The following CSMD1 variants were observed in gnomAD, a reference collection of about 807,000 sequenced individuals.
CSMD1 encodes the protein CUB and Sushi multiple domains 1.
Under a neutral mutation model 417.5 loss-of-function variants are expected in CSMD1, and 213 were observed. The observed-to-expected ratio is 0.51, with a 90% CI of 0.46 to 0.57. The LOEUF (loss-of-function observed/expected upper bound fraction) is 0.57. Among genes scored for constraint, CSMD1 ranks in the 20% least tolerant of loss-of-function variants. The probability of loss-of-function intolerance (pLI) is 0.00; values close to 1 mark genes in which losing one functional copy is unlikely to be tolerated. For synonymous variants in CSMD1, 2,862 were observed against 1,736.8 expected (o/e 1.65, Z -16.11); for missense variants, 6,923 against 4,529.7 (o/e 1.53, Z -15.17).
intron 2 of CSMD1, among the ~76,000 whole-genome samples, chr8:4,626,699 G>T (rs1456744703): frequency 6.6e-6 from 1 of 152,026 alleles, no homozygotes; most frequent in South Asian, 2.1e-4. Flanking sequence ...TTGCAAAGAC[G>T]TCTCCCCATC....
chr8:3,396,484 C>T (rs898455574), intron 16 of CSMD1, 103 bp from the exon 17 acceptor site: 43 of 753,812 alleles, frequency 5.7e-5, no homozygotes, highest in South Asian at 1.0e-4. Flanking sequence ...TGTACGTTAA[C>T]ATGAAGAAAA....
At chr8:3,922,407 G>A (rs1005307771) in intron 5 of CSMD1, among the ~76,000 whole-genome samples, 3 of 151,770 alleles carry the variant, frequency 2.0e-5, no homozygotes, top group African/African-American at 4.8e-5. Flanking sequence ...ACTTACTACT[G>A]CCATGTTATT....
intron 5 of CSMD1, among the ~76,000 whole-genome samples, chr8:3,849,791 T>C (rs934653794): frequency 2.6e-5 from 4 of 151,470 alleles, no homozygotes; most frequent in Admixed American, 6.6e-5. Context: ...AAAGATGATA[T>C]TGTGAGACAG....
intron 3 of CSMD1, among the ~76,000 whole-genome samples, chr8:4,251,775 G>C (rs1803096607): frequency 6.6e-6 from 1 of 151,884 alleles, no homozygotes; most frequent in Non-Finnish European, 1.5e-5. Flanking sequence ...AGTGATGCAG[G>C]GATGGAGAGA....
intron 3 of CSMD1, among the ~76,000 whole-genome samples, chr8:4,195,577 T>A (rs959838532): frequency 2.0e-5 from 3 of 152,064 alleles, no homozygotes; most frequent in African/African-American, 7.2e-5. Context: ...ATGGTAGAGG[T>A]GAGCGTTGTC....
chr8:3,082,297 G>A (rs997503807), intron 49 of CSMD1, among the ~76,000 whole-genome samples: 56 of 152,048 alleles, frequency 3.7e-4, no homozygotes, highest in Non-Finnish European at 1.3e-4. Flanking sequence ...GCTCTTTAAC[G>A]GAGTCTCGTC....
intron 6 of CSMD1, among the ~76,000 whole-genome samples, chr8:3,738,277 G>A (rs535106414): frequency 1.3e-5 from 2 of 152,176 alleles, no homozygotes; most frequent in African/African-American, 4.8e-5. Flanking sequence ...CGATCACAGT[G>A]GAAGGAAGAG....
In CSMD1 at chr8:3,928,167, A is replaced by C. The variant is rs539860642; in HGVS notation, c.818+69736T>G. Among the ~76,000 whole-genome samples, 3 of 152,336 alleles carry C rather than the reference A, an allele frequency of 2.0e-5. No individual in the cohort carries two copies. In the South Asian group the frequency reaches 6.2e-4, roughly 32 times the overall value. On this transcript the variant is annotated intron_variant, in intron 5 of 69. Transcript: ENST00000635120. ...CTGTTGGACATTTACATTTCAATGA[A>C]GCAGCTCAGAAAAGAACATGAGAAT...
intron 8 of CSMD1, among the ~76,000 whole-genome samples, chr8:3,599,302 C>T (rs1280080186): frequency 6.7e-6 from 1 of 149,778 alleles, no homozygotes; most frequent in East Asian, 2.0e-4. Context: ...TGTGTGGGTG[C>T]TGAGAACACC....
chr8:4,987,197 T>C (rs1240088431), intron 1 of CSMD1, among the ~76,000 whole-genome samples: 8 of 152,136 alleles, frequency 5.3e-5, no homozygotes, highest in African/African-American at 1.2e-4. Flanking sequence ...CCATCCAAAA[T>C]CCACTTATTC....
At chr8:3,422,267 G>A (rs374051307) in intron 12 of CSMD1, among the ~76,000 whole-genome samples, 2 of 152,202 alleles carry the variant, frequency 1.3e-5, no homozygotes, top group East Asian at 1.9e-4. Context: ...ATTCTTGATG[G>A]CATACAATTC....
intron 5 of CSMD1, among the ~76,000 whole-genome samples, chr8:3,813,868 A>G (rs1015631216): frequency 2.0e-5 from 3 of 152,170 alleles, no homozygotes; most frequent in African/African-American, 7.2e-5. Flanking sequence ...GACAAGAGAA[A>G]AAGAAGAGAA....
chr8:4,442,603 AG>A (rs1798548148), intron 2 of CSMD1, among the ~76,000 whole-genome samples: 1 of 152,216 alleles, frequency 6.6e-6, no homozygotes, highest in African/African-American at 2.4e-5. Flanking sequence ...CAAATTGGCT[AG>A]AAAAACAGAA....
At chr8:4,434,945 C>A (rs773361609) in intron 2 of CSMD1, among the ~76,000 whole-genome samples, 1 of 152,108 alleles carries the variant, frequency 6.6e-6, no homozygotes, top group African/African-American at 2.4e-5. Context: ...GATGTTAAAA[C>A]CAATTATTTC....
At chr8:4,710,799 C>G (rs983744595) in intron 1 of CSMD1, among the ~76,000 whole-genome samples, 1 of 151,512 alleles carries the variant, frequency 6.6e-6, no homozygotes, top group Non-Finnish European at 1.5e-5. Flanking sequence ...GAGCCAAGAT[C>G]GCACCACTGC....
chr8:4,824,707 G>A (rs907405105), intron 1 of CSMD1, among the ~76,000 whole-genome samples: 1 of 152,116 alleles, frequency 6.6e-6, no homozygotes, highest in African/African-American at 2.4e-5. Context: ...TGAAATAACT[G>A]CTGACATCAT....
chr8:4,405,779 G>T (rs1177955463), intron 3 of CSMD1, among the ~76,000 whole-genome samples: 1 of 152,188 alleles, frequency 6.6e-6, no homozygotes, highest in Non-Finnish European at 1.5e-5. Context: ...CTGTATTTGA[G>T]TTTGTTGAGT....
intron 3 of CSMD1, among the ~76,000 whole-genome samples, chr8:4,138,895 C>A (rs1647359): frequency 1.3e-5 from 2 of 152,254 alleles, no homozygotes; most frequent in South Asian, 4.1e-4. Context: ...ATATTTAATA[C>A]AAATAATTTA....
intron 54 of CSMD1, among the ~76,000 whole-genome samples, chr8:2,984,397 G>A (rs531103765): frequency 6.6e-6 from 1 of 151,730 alleles, no homozygotes; most frequent in East Asian, 1.9e-4. Context: ...TGCCCAGGCT[G>A]GAGTGCAGTG....
Sources: allele counts gnomAD v4.1 joint callset (sites outside exome capture counted in the v4.1 genomes callset), GRCh38; gene constraint gnomAD v4.1.1; transcripts MANE v1.5; gene names NCBI Gene and HGNC (gene_info 2026-07-23, HGNC 2026-07-21).